Variants in TENM1 observed in about 807,000 individuals in gnomAD.
The protein encoded by TENM1 is teneurin-1.
TENM1 carries 35 observed loss-of-function variants against 174.8 expected under a neutral mutation model. The observed-to-expected ratio is 0.20, with a 90% CI of 0.15 to 0.27. The LOEUF (loss-of-function observed/expected upper bound fraction) is 0.27, where lower values mean the gene tolerates loss of function less well. TENM1 is among the 10% of genes least tolerant of loss of function. The pLI is 1.00. For synonymous variants in TENM1, 781 were observed against 798.7 expected (o/e 0.98, Z 0.37); for missense variants, 1,633 against 2,130.1 (o/e 0.77, Z 4.59).
At chrX:124,736,523 CAAAGAATCTTACAAT>C (rs2053675245) in intron 4 of TENM1, among the ~76,000 whole-genome samples, 1 of 109,933 alleles carries the variant, frequency 9.1e-6, no homozygotes, top group Non-Finnish European at 1.9e-5. Flanking sequence ...CTTATTTTTT[CAAAGAATCTTACAAT>C]AAATAAAATA....
At chrX:124,757,351 G>A (rs748904337) in intron 3 of TENM1, among the ~76,000 whole-genome samples, 139 of 112,608 alleles carry the variant, frequency 1.2e-3, no homozygotes, top group African/African-American at 4.3e-3. Context: ...TCAGAAAAGC[G>A]CAGTATTGGG....
At position 124,385,833 on chromosome X, in the gene TENM1, T is replaced by C. The variant is rs1311489259; in HGVS notation, c.5920A>G (p.Arg1974Gly). 44 of 1,211,798 alleles carry C rather than the reference T, an allele frequency of 3.6e-5. No individual in the cohort carries two copies. Among genetic ancestry groups the C allele is most frequent in the Non-Finnish European group, 4.2e-5 (38 of 895,450 alleles). Residue 1974 changes from arginine to glycine, a missense_variant, in exon 29 of 32, where the codon AGA becomes GGA. Coordinates refer to ENST00000422452, the Ensembl canonical transcript of TENM1. ...TGCTTGGTGTACTTGTATAAGACTC[T>C]GCGCCCTGTCCCCAGATGCAGGGTC...
chrX:124,986,980 T>C, the TENM1 span, among the ~76,000 whole-genome samples: 1 of 111,650 alleles, frequency 9.0e-6, no homozygotes, highest in Non-Finnish European at 1.9e-5. Flanking sequence ...GACTTTACCC[T>C]GGTCACTGGA....
chrX:125,147,938 T>A, the TENM1 span, among the ~76,000 whole-genome samples: 1 of 111,846 alleles, frequency 8.9e-6, no homozygotes. Flanking sequence ...CGCCAATGAC[T>A]TTTTCTCTTA....
chrX:124,922,579 G>T (rs755217157), intron 1 of TENM1, among the ~76,000 whole-genome samples: 86 of 109,450 alleles, frequency 7.9e-4, no homozygotes, highest in Non-Finnish European at 1.3e-3. Flanking sequence ...TTCAGTTAAT[G>T]CTATAAGGAA....
intron 22 of TENM1, among the ~76,000 whole-genome samples, chrX:124,457,196 G>A (rs757771456): frequency 3.4e-4 from 38 of 111,850 alleles, no homozygotes; most frequent in African/African-American, 1.2e-3. Flanking sequence ...TGCCCAGACA[G>A]CATGTTTAGC....
At chrX:124,651,289 G>A (rs2051303170) in intron 8 of TENM1, among the ~76,000 whole-genome samples, 1 of 111,631 alleles carries the variant, frequency 9.0e-6, no homozygotes, top group Non-Finnish European at 1.9e-5. Flanking sequence ...TAGGGTGAAA[G>A]TGAATGAGTA....
At chrX:124,649,692 GACC>G (rs2051247914) in intron 8 of TENM1, among the ~76,000 whole-genome samples, 1 of 111,917 alleles carries the variant, frequency 8.9e-6, no homozygotes, top group South Asian at 3.7e-4. Context: ...GCCAGTGTTT[GACC>G]TATATTAGTC....
chrX:125,142,214 T>C, the TENM1 span, among the ~76,000 whole-genome samples: 1 of 112,037 alleles, frequency 8.9e-6, no homozygotes, highest in African/African-American at 3.2e-5. Flanking sequence ...AGGTTTTTGT[T>C]TCTTCGACAT....
At chrX:125,088,995 A>T in the TENM1 span, among the ~76,000 whole-genome samples, 3 of 111,148 alleles carry the variant, frequency 2.7e-5, no homozygotes, top group South Asian at 1.1e-3. Context: ...ATTCCAAATT[A>T]CCCCAAAGAC....
chrX:124,625,489 G>A (rs944111913), intron 11 of TENM1, among the ~76,000 whole-genome samples: 4 of 110,851 alleles, frequency 3.6e-5, no homozygotes, highest in Admixed American at 1.9e-4. Flanking sequence ...TTAAGTGTTC[G>A]CATGAAAAAA....
chrX:124,662,455 GAA>G (rs1224806453), intron 6 of TENM1, among the ~76,000 whole-genome samples: 1,519 of 30,983 alleles, frequency 0.049, 22 homozygotes, highest in African/African-American at 0.077. Context: ...CTTCATCTCA[GAA>G]AAAAAAAAAA....
intron 1 of TENM1, among the ~76,000 whole-genome samples, chrX:124,909,886 C>T (rs2057808953): frequency 8.9e-6 from 1 of 112,064 alleles, no homozygotes; most frequent in African/African-American, 3.2e-5. Flanking sequence ...AGCATGTTAT[C>T]ACCCAACTAG....
intron 27 of TENM1, among the ~76,000 whole-genome samples, chrX:124,399,722 T>G (rs1254628339): frequency 1.8e-5 from 2 of 111,643 alleles, no homozygotes; most frequent in Non-Finnish European, 3.8e-5. Context: ...GTCCCAGCAC[T>G]TTAGGAGGCT....
the TENM1 span, among the ~76,000 whole-genome samples, chrX:125,189,574 C>T: frequency 4.5e-5 from 5 of 111,838 alleles, no homozygotes; most frequent in African/African-American, 1.3e-4. Flanking sequence ...ATCATCTAGC[C>T]CAGACCTTAA....
the TENM1 span, among the ~76,000 whole-genome samples, chrX:125,187,083 A>G: frequency 1.8e-5 from 2 of 111,660 alleles, no homozygotes; most frequent in African/African-American, 6.5e-5. Context: ...CAAGATGGTG[A>G]AACCCGGTCT....
the TENM1 span, among the ~76,000 whole-genome samples, chrX:125,087,695 T>A: frequency 1.8e-5 from 2 of 111,063 alleles, no homozygotes; most frequent in Admixed American, 9.6e-5. Flanking sequence ...TGGAAGTATG[T>A]CTAAGGGACA....
At chrX:125,076,184 T>C in the TENM1 span, among the ~76,000 whole-genome samples, 1 of 111,694 alleles carries the variant, frequency 9.0e-6, no homozygotes, top group Admixed American at 9.5e-5. Context: ...TTCATCACAT[T>C]GTAAAGTCAC....
At chrX:124,605,929 A>C (rs1014642890) in intron 11 of TENM1, among the ~76,000 whole-genome samples, 5 of 111,765 alleles carry the variant, frequency 4.5e-5, no homozygotes, top group Non-Finnish European at 9.4e-5. Flanking sequence ...TTAAAGTCTG[A>C]ACTTTGAAAA....
Sources: allele counts gnomAD v4.1 joint callset (sites outside exome capture counted in the v4.1 genomes callset), GRCh38; gene constraint gnomAD v4.1.1; transcripts MANE v1.5; gene names NCBI Gene and HGNC (gene_info 2026-07-23, HGNC 2026-07-21).